NTRK1: variants seen among roughly 807,000 people sequenced by gnomAD.
NTRK1 encodes the protein neurotrophic receptor tyrosine kinase 1.
Under a neutral mutation model 86.8 loss-of-function variants are expected in NTRK1, and 62 were observed. The observed-to-expected ratio is 0.71, with a 90% CI of 0.58 to 0.88. The LOEUF (loss-of-function observed/expected upper bound fraction) is 0.88. NTRK1 is among the 40% of genes least tolerant of loss of function. The pLI is 0.00. For synonymous variants in NTRK1, 469 were observed against 456.6 expected (o/e 1.03, Z -0.35); for missense variants, 967 against 1,078.4 (o/e 0.90, Z 1.45).
upstream of NTRK1, among the ~76,000 whole-genome samples, chr1:156,856,021 T>C (rs1288954157): frequency 6.6e-6 from 1 of 151,860 alleles, no homozygotes; most frequent in Non-Finnish European, 1.5e-5. Context: ...GTTTGCTGCA[T>C]ACTTGAACTC....
At chr1:156,856,797 C>T (rs1655420384), upstream of NTRK1, among the ~76,000 whole-genome samples, 2 of 152,220 alleles carry the variant, frequency 1.3e-5, no homozygotes, top group African/African-American at 4.8e-5. Context: ...CAAGTTCACT[C>T]CTTCCTTGGG....
rs775718859 is a variant in NTRK1 at position 156,876,563 on chromosome 1, G to A, written c.1796G>A (p.Arg599His). 48 of 1,611,750 alleles carry A rather than the reference G, an allele frequency of 3.0e-5. No individual in the cohort carries two copies. The highest frequency in any genetic ancestry group is 4.0e-5 in the African/African-American group (3 of 74,904). Reference sequence around the variant, plus strand: ...TATATGCGGCACGGGGACCTCAACCGCTTCCTCCGGTACCAGCACCTGGCC... The same window carrying A: ...TATATGCGGCACGGGGACCTCAACCACTTCCTCCGGTACCAGCACCTGGCC... ...FEYMRHGDLNRFLRSHGPDAK... is the reference protein window; with the variant it reads ...FEYMRHGDLNHFLRSHGPDAK... The change falls in exon 14 of 17, where the codon CGC becomes CAC. Residue 599 changes from arginine (R) to histidine (H), a missense_variant. Physicochemically the swap from Arg to His is conservative, Grantham distance 29 (BLOSUM62 0). Around this residue, in one of 2 missense-constraint regions of NTRK1, gnomAD observed 637 missense variants for 776.5 expected, o/e 0.82. Transcript: ENST00000524377.
chr1:156,878,114 T>C (rs929780059), intron 14 of NTRK1, among the ~76,000 whole-genome samples: 5 of 152,322 alleles, frequency 3.3e-5, no homozygotes, highest in East Asian at 3.9e-4. Context: ...GAGGGAATCA[T>C]TAATGCTCAG....
chr1:156,839,162 G>T (rs1028946491), intron 1 of NTRK1, among the ~76,000 whole-genome samples: 30 of 152,260 alleles, frequency 2.0e-4, no homozygotes, highest in African/African-American at 7.0e-4. Context: ...TGGCCCTGTG[G>T]GGATAACAGG....
intron 6 of NTRK1, among the ~76,000 whole-genome samples, chr1:156,870,443 T>C (rs1647485701): frequency 6.6e-6 from 1 of 152,010 alleles, no homozygotes; most frequent in Non-Finnish European, 1.5e-5. Context: ...TCTCCCTCAG[T>C]TAGGAGGATA....
At chr1:156,816,496 G>A (rs939702432) in intron 1 of NTRK1, among the ~76,000 whole-genome samples, 1 of 152,176 alleles carries the variant, frequency 6.6e-6, no homozygotes, top group Non-Finnish European at 1.5e-5. Context: ...TTATCCTCAG[G>A]GATGAGTGGG....
At chr1:156,830,135 T>C (rs1391575639) in intron 1 of NTRK1, among the ~76,000 whole-genome samples, 1 of 152,252 alleles carries the variant, frequency 6.6e-6, no homozygotes, top group Non-Finnish European at 1.5e-5. Context: ...AACGCTGCTT[T>C]GCACAGCCCA....
intron 2 of NTRK1, chr1:156,849,513 G>GGGGGGGGCGGGGGGGGGC: frequency 2.1e-6 from 1 of 486,122 alleles, no homozygotes; most frequent in African/African-American, 2.0e-5. Context: ...CAGGGGGTGG[G>GGGGGGGGCGGGGGGGGGC]AAAGGGGATG....
At chr1:156,871,084 A>C (rs1254948906) in intron 6 of NTRK1, among the ~76,000 whole-genome samples, 1 of 152,218 alleles carries the variant, frequency 6.6e-6, no homozygotes, top group Non-Finnish European at 1.5e-5. Context: ...TGTGTAAAAC[A>C]GGAATGAATA....
intron 14 of NTRK1, among the ~76,000 whole-genome samples, chr1:156,878,100 A>T (rs1386334206): frequency 6.6e-6 from 1 of 152,210 alleles, no homozygotes; most frequent in Non-Finnish European, 1.5e-5. Context: ...TGGGGGAATC[A>T]ATGGAGGGAA....
intron 2 of NTRK1, chr1:156,844,850 G>A: frequency 6.2e-7 from 1 of 1,613,882 alleles, no homozygotes; most frequent in Middle Eastern, 1.7e-4. Flanking sequence ...TCTCCTGCGG[G>A]AAGGGGCATC....
intron 2 of NTRK1, chr1:156,851,584 G>A (rs1558089950): frequency 1.9e-6 from 3 of 1,611,896 alleles, no homozygotes; most frequent in African/African-American, 2.7e-5. Flanking sequence ...CATTGTAAGG[G>A]TTGTGTCTGG....
chr1:156,845,833 G>A, intron 2 of NTRK1: 1 of 1,610,084 alleles, frequency 6.2e-7, no homozygotes, highest in Non-Finnish European at 8.5e-7. Context: ...GCAGCGGGAA[G>A]ACACTAGTAA....
intron 7 of NTRK1, 54 bp from the exon 8 acceptor site, chr1:156,873,579 A>G (rs2102904436): frequency 6.7e-7 from 1 of 1,500,870 alleles, no homozygotes; most frequent in Non-Finnish European, 9.2e-7. Flanking sequence ...GGTGTGTGCC[A>G]GGCTCCCTCC....
intron 2 of NTRK1, among the ~76,000 whole-genome samples, chr1:156,852,997 T>G (rs1655279730): frequency 6.6e-6 from 1 of 152,176 alleles, no homozygotes; most frequent in Admixed American, 6.5e-5. Context: ...GCTCCCCACC[T>G]CTGAAAGGTT....
chr1:156,840,955 G>C, intron 1 of NTRK1: 1 of 1,614,020 alleles, frequency 6.2e-7, no homozygotes, highest in Non-Finnish European at 8.5e-7. Context: ...GGTAGGCAGG[G>C]AGCCCCGGGC....
chr1:156,852,921 G>A (rs1387302130), intron 2 of NTRK1, among the ~76,000 whole-genome samples: 1 of 152,142 alleles, frequency 6.6e-6, no homozygotes, highest in African/African-American at 2.4e-5. Flanking sequence ...GAGGCGCTGG[G>A]GGTGAGAGGA....
chr1:156,819,065 C>T lies in NTRK1; in HGVS notation c.-64+3227C>T, dbSNP rs571759239. On this transcript the variant is annotated intron_variant, in intron 1 of 16. Transcript: ENST00000392302. ...TCACCCAGGCTGGAGTGCAATGGCGCTATCTCGGCTCACTGCAACCTCTGC... is the reference window on the plus strand; with the variant it reads ...TCACCCAGGCTGGAGTGCAATGGCGTTATCTCGGCTCACTGCAACCTCTGC... Among the ~76,000 whole-genome samples the T allele has an allele frequency of 7.0e-3, 1,063 of 151,960 alleles. 16 individuals are homozygous for T. Among genetic ancestry groups the T allele is most frequent in the African/African-American group, 0.024 (1,011 of 41,438 alleles).
chr1:156,850,763 G>T (rs766819386), intron 2 of NTRK1, among the ~76,000 whole-genome samples: 1 of 151,198 alleles, frequency 6.6e-6, no homozygotes, highest in Non-Finnish European at 1.5e-5. Context: ...CACCACGTTG[G>T]CCAGGCTGGT....
Sources: gnomAD v4.1 joint callset for allele counts (sites outside exome capture counted in the v4.1 genomes callset) on GRCh38, gnomAD v4.1.1 for gene constraint, gnomAD v4.1.1 regional missense constraint, MANE v1.5 for transcripts, NCBI Gene and HGNC (gene_info 2026-07-23, HGNC 2026-07-21) for gene names.